The following PTN variants were observed in gnomAD, a reference collection of about 807,000 sequenced individuals.
PTN encodes heparin affin regulatory protein.
In PTN, 18 loss-of-function variants were observed where a neutral mutation model predicts 24.1. The ratio of observed to expected loss-of-function variants is 0.75; its 90% CI spans 0.52 to 1.11. The LOEUF (loss-of-function observed/expected upper bound fraction) is 1.11, where lower values mean the gene tolerates loss of function less well. Ranked by LOEUF, PTN falls within the 50% of genes least tolerant of loss-of-function variation. The pLI is 0.00. For missense variants in PTN, 163 were observed against 198.8 expected, an observed-to-expected ratio of 0.82 and a Z score of 1.08; for synonymous variants, 78 against 68.6, an observed-to-expected ratio of 1.14 and a Z score of -0.67.
intron 1 of PTN, among the ~76,000 whole-genome samples, chr7:137,287,926 T>C (rs190641343): frequency 3.8e-4 from 58 of 152,302 alleles, no homozygotes; most frequent in African/African-American, 1.4e-3. Context: ...CTTTCAACAC[T>C]TGAGTTCCCC....
At chr7:137,298,656 A>G (rs1347813008) in intron 1 of PTN, among the ~76,000 whole-genome samples, 1 of 151,942 alleles carries the variant, frequency 6.6e-6, no homozygotes, top group Non-Finnish European at 1.5e-5. Flanking sequence ...ATTATTGTAA[A>G]GCAGGACTAT....
At chr7:137,283,597 A>C (rs1809506549) in intron 1 of PTN, among the ~76,000 whole-genome samples, 1 of 152,176 alleles carries the variant, frequency 6.6e-6, no homozygotes, top group African/African-American at 2.4e-5. Flanking sequence ...GGTTAGTTTA[A>C]AACTTCAAGT....
Position 137,261,641 on chromosome 7 carries a change from C to T in PTN, c.-1-6667G>A, listed in dbSNP as rs183080370. On this transcript the variant is annotated intron_variant, in intron 1 of 4. Coordinates refer to ENST00000348225, the MANE Select transcript of PTN (RefSeq NM_002825.7). ...AATGGCATATAAATTTATTTGATCA[C>T]ATTTTTACGTGACATGGGAGCATTC... Among the ~76,000 whole-genome samples, 10 of 152,270 alleles carry T rather than the reference C, an allele frequency of 6.6e-5. No homozygotes were observed. The East Asian group carries it at 1.7e-3, about 26-fold the overall frequency.
intron 1 of PTN, among the ~76,000 whole-genome samples, chr7:137,263,496 G>A (rs1052246104): frequency 6.6e-6 from 1 of 152,108 alleles, no homozygotes; most frequent in Admixed American, 6.5e-5. Flanking sequence ...GGCCAGAATA[G>A]TCAAGGCTTG....
At chr7:137,253,869 G>T (rs1271648273) in intron 2 of PTN, among the ~76,000 whole-genome samples, 2 of 152,142 alleles carry the variant, frequency 1.3e-5, no homozygotes, top group Non-Finnish European at 2.9e-5. Context: ...AATATTAATT[G>T]AACTCCCTCT....
chr7:137,330,337 G>C (rs1003382375), intron 1 of PTN, among the ~76,000 whole-genome samples: 1 of 152,070 alleles, frequency 6.6e-6, no homozygotes, highest in East Asian at 1.9e-4. Flanking sequence ...AAGAGGAGGA[G>C]GAGGAGAAGG....
chr7:137,334,846 T>C (rs1184535031), intron 1 of PTN, among the ~76,000 whole-genome samples: 2 of 151,880 alleles, frequency 1.3e-5, no homozygotes, highest in African/African-American at 4.8e-5. Flanking sequence ...ATATATACCA[T>C]GGAATACTAT....
At chr7:137,273,913 A>AT (rs1234957686) in intron 1 of PTN, among the ~76,000 whole-genome samples, 1 of 151,954 alleles carries the variant, frequency 6.6e-6, no homozygotes, top group African/African-American at 2.4e-5. Context: ...GTTTGTCTTT[A>AT]TTTTTATCAG....
chr7:137,323,832 C>T (rs10256297), intron 1 of PTN, among the ~76,000 whole-genome samples: 18,324 of 152,052 alleles, frequency 0.12, 3,507 homozygotes, highest in African/African-American at 0.41. Context: ...GCATGTCTAA[C>T]GAGTTCTTAG....
At chr7:137,236,355 C>G in intron 4 of PTN, 1 of 684,206 alleles carries the variant, frequency 1.5e-6, no homozygotes, top group South Asian at 1.6e-5. Context: ...CACACATGAG[C>G]GTGTTGGGAT....
At chr7:137,326,049 T>C (rs1810255276) in intron 1 of PTN, 1 of 152,198 alleles carries the variant, frequency 6.6e-6, no homozygotes, top group Non-Finnish European at 1.5e-5. Flanking sequence ...AATGAAAGCA[T>C]GTTGTGAATG....
chr7:137,228,701 G>T (rs964737330), intron 4 of PTN, among the ~76,000 whole-genome samples: 1 of 151,812 alleles, frequency 6.6e-6, no homozygotes, highest in African/African-American at 2.4e-5. Context: ...AATGGAATGT[G>T]TCAACATAGG....
chr7:137,339,568 C>CAAAAAAAAAA (rs58934357), intron 1 of PTN, among the ~76,000 whole-genome samples: 3 of 123,812 alleles, frequency 2.4e-5, no homozygotes, highest in Non-Finnish European at 4.9e-5. Flanking sequence ...GGTCTTGAAT[C>CAAAAAAAAAA]AAAAAAAAAA....
At chr7:137,249,891 G>C (rs1808793466) in intron 4 of PTN, among the ~76,000 whole-genome samples, 2 of 152,164 alleles carry the variant, frequency 1.3e-5, no homozygotes, top group African/African-American at 4.8e-5. Flanking sequence ...TGAAGTTGGA[G>C]ATAACTATTT....
intron 1 of PTN, among the ~76,000 whole-genome samples, chr7:137,266,660 G>GTT (rs943324228): frequency 7.8e-6 from 1 of 128,106 alleles, no homozygotes; most frequent in Non-Finnish European, 1.7e-5. Context: ...TAACCATTCT[G>GTT]TTTTTTTTTT....
At chr7:137,263,617 G>T (rs554609668) in intron 1 of PTN, among the ~76,000 whole-genome samples, 5 of 151,986 alleles carry the variant, frequency 3.3e-5, no homozygotes, top group African/African-American at 4.8e-5. Flanking sequence ...TAAGTACCAG[G>T]CCTATAATAT....
Position 137,343,576 on chromosome 7 carries a change from T to C in PTN, c.-139A>G, listed in dbSNP as rs750497418. 5 of 518,908 alleles carry C rather than the reference T, an allele frequency of 9.6e-6. No individual in the cohort carries two copies. The highest frequency in any genetic ancestry group is 1.9e-5 in the African/African-American group (1 of 51,962). The allele number at this position is 518,908 out of a possible 1,614,324, so 32.1% of individuals were successfully genotyped here. A position where few individuals can be genotyped will look rare whatever the true frequency, so the allele number is the denominator to read the frequency against. On this transcript the variant is annotated 5_prime_UTR_variant, in exon 1 of 5. Coordinates refer to ENST00000348225, the MANE Select transcript of PTN (RefSeq NM_002825.7). ...CTGCTCTCCCCGCCTTCTGGACGGA[T>C]GACTCACTGGTCTCTTTCTTCCCCT...
chr7:137,294,414 G>A (rs1809687313), intron 1 of PTN, among the ~76,000 whole-genome samples: 1 of 152,172 alleles, frequency 6.6e-6, no homozygotes, highest in Non-Finnish European at 1.5e-5. Context: ...GGGCAGCCTT[G>A]TGCAGAGCAC....
At chr7:137,280,699 CAAAAAAAAAAAAAAAAAA>C (rs58738876) in intron 1 of PTN, among the ~76,000 whole-genome samples, 893 of 44,368 alleles carry the variant, frequency 0.02, 68 homozygotes, top group African/African-American at 0.078. Flanking sequence ...ACTAAAAATA[CAAAAAAAAAAAAAAAAAA>C]AAAAAAAAGC....
Sources: gnomAD v4.1 joint callset for allele counts (sites outside exome capture counted in the v4.1 genomes callset) on GRCh38, gnomAD v4.1.1 for gene constraint, MANE v1.5 for transcripts, NCBI Gene and HGNC (gene_info 2026-07-23, HGNC 2026-07-21) for gene names.